The following ZBTB7C variants were observed in gnomAD, a reference collection of about 807,000 sequenced individuals.
ZBTB7C encodes the protein zinc finger and BTB domain-containing protein 7C.
Under a neutral mutation model 25.7 loss-of-function variants are expected in ZBTB7C, and 8 were observed. The ratio of observed to expected loss-of-function variants is 0.31; its 90% CI spans 0.18 to 0.56. The LOEUF (loss-of-function observed/expected upper bound fraction) is 0.56, where lower values mean the gene tolerates loss of function less well. Ranked by LOEUF, ZBTB7C falls within the 20% of genes least tolerant of loss-of-function variation. ZBTB7C has a pLI of 0.91. For missense variants in ZBTB7C, 824 were observed against 855.2 expected (o/e 0.96, Z 0.46); for synonymous variants, 394 against 369.0 (o/e 1.07, Z -0.78).
chr18:48,103,845 A>G (rs1568220653), intron 3 of ZBTB7C, among the ~76,000 whole-genome samples: 1 of 152,088 alleles, frequency 6.6e-6, no homozygotes, highest in Non-Finnish European at 1.5e-5. Context: ...CAAGGACCAC[A>G]TATTATATGA....
At chr18:48,384,029 G>A (rs1261083113) in intron 1 of ZBTB7C, among the ~76,000 whole-genome samples, 1 of 152,212 alleles carries the variant, frequency 6.6e-6, no homozygotes, top group African/African-American at 2.4e-5. Flanking sequence ...TGTGAAATCA[G>A]GAGCCTGAAC....
At chr18:48,085,980 C>T (rs1266651694) in intron 3 of ZBTB7C, among the ~76,000 whole-genome samples, 2 of 152,204 alleles carry the variant, frequency 1.3e-5, no homozygotes, top group Non-Finnish European at 2.9e-5. Flanking sequence ...GCCACCTCTC[C>T]TCTCTCCCTG....
chr18:48,057,050 CAAAAAAAAA>C (rs11380205), intron 3 of ZBTB7C, among the ~76,000 whole-genome samples: 2 of 64,320 alleles, frequency 3.1e-5, no homozygotes, highest in Non-Finnish European at 6.2e-5. Flanking sequence ...GAAAAATTGT[CAAAAAAAAA>C]AAAAAAAAAA....
chr18:48,275,968 A>C (rs1450959994), intron 2 of ZBTB7C, among the ~76,000 whole-genome samples: 1 of 152,210 alleles, frequency 6.6e-6, no homozygotes, highest in Non-Finnish European at 1.5e-5. Flanking sequence ...CATCGAAGGC[A>C]TGGGATCCTG....
In ZBTB7C at chr18:48,315,133, G is replaced by A. The variant is rs150691079; in HGVS notation, c.-79+23041C>T. ...AATGTGTGTGATTTCAGAAGCCAGG[G>A]GAGTTGAGACACTCGGAACACAGCA... On this transcript the variant is annotated intron_variant, in intron 2 of 4. Transcript: ENST00000590800. Among the ~76,000 whole-genome samples the A allele has an allele frequency of 1.8e-4, 27 of 152,270 alleles. No homozygotes were observed. In the East Asian group the frequency reaches 5.2e-3, roughly 29 times the overall value.
intron 1 of ZBTB7C, among the ~76,000 whole-genome samples, chr18:48,379,079 T>C (rs765300071): frequency 2.0e-5 from 3 of 152,242 alleles, no homozygotes; most frequent in Non-Finnish European, 4.4e-5. Context: ...AGCATCTGTA[T>C]AGCATTCAAT....
chr18:48,041,400 C>T (rs1399506291), intron 3 of ZBTB7C: 1 of 985,342 alleles, frequency 1.0e-6, no homozygotes, highest in East Asian at 1.1e-4. Context: ...TTCTCTCAGG[C>T]TTGGTGTTAC....
chr18:48,352,557 G>A (rs2145048584), intron 1 of ZBTB7C, among the ~76,000 whole-genome samples: 1 of 152,266 alleles, frequency 6.6e-6, no homozygotes, highest in Non-Finnish European at 1.5e-5. Flanking sequence ...CAGGGATGGG[G>A]CTCAGGGGAA....
At chr18:48,276,347 T>G (rs1375413704) in intron 2 of ZBTB7C, among the ~76,000 whole-genome samples, 4 of 151,498 alleles carry the variant, frequency 2.6e-5, no homozygotes, top group African/African-American at 4.9e-5. Flanking sequence ...ATGTGCACAT[T>G]GTGCAGGTTA....
At chr18:48,091,133 G>A (rs1346974286) in intron 3 of ZBTB7C, among the ~76,000 whole-genome samples, 1 of 151,340 alleles carries the variant, frequency 6.6e-6, no homozygotes, top group Non-Finnish European at 1.5e-5. Context: ...GAGTACAGTG[G>A]TGTGATCATA....
chr18:48,036,803 C>T (rs1003495186), intron 4 of ZBTB7C, among the ~76,000 whole-genome samples: 1 of 152,074 alleles, frequency 6.6e-6, no homozygotes, highest in Non-Finnish European at 1.5e-5. Context: ...TGTTAGGAAT[C>T]GCGTTGGGGA....
At chr18:48,345,648 T>C (rs1269929670) in intron 1 of ZBTB7C, among the ~76,000 whole-genome samples, 1 of 152,172 alleles carries the variant, frequency 6.6e-6, no homozygotes, top group East Asian at 1.9e-4. Context: ...CCTTGGCAGG[T>C]ATTTCAGGTC....
intron 1 of ZBTB7C, among the ~76,000 whole-genome samples, chr18:48,347,116 T>TTTTGTTTG (rs1426981993): frequency 1.5e-4 from 22 of 144,862 alleles, no homozygotes; most frequent in Non-Finnish European, 2.7e-4. Context: ...GATTCCCAGT[T>TTTTGTTTG]TTTGTTTGTT....
intron 2 of ZBTB7C, among the ~76,000 whole-genome samples, chr18:48,313,293 C>A (rs1480311643): frequency 6.6e-6 from 1 of 152,184 alleles, no homozygotes; most frequent in Non-Finnish European, 1.5e-5. Context: ...CAGTATCTAG[C>A]AAAATCCAGA....
chr18:48,176,184 G>A (rs1459194089), intron 3 of ZBTB7C, among the ~76,000 whole-genome samples: 1 of 152,108 alleles, frequency 6.6e-6, no homozygotes, highest in Non-Finnish European at 1.5e-5. Context: ...GAACCAAGAG[G>A]GCTTATGCAG....
chr18:48,394,338 G>A (rs1464015940), intron 1 of ZBTB7C, among the ~76,000 whole-genome samples: 1 of 152,174 alleles, frequency 6.6e-6, no homozygotes, highest in African/African-American at 2.4e-5. Context: ...GTTTTCTAGT[G>A]ATACTAGCTT....
In ZBTB7C at chr18:48,173,927, C is replaced by T. The variant is rs533131903; in HGVS notation, c.-17+12007G>A. On this transcript the variant is annotated intron_variant, in intron 3 of 4. Transcript: ENST00000590800. Reference sequence around the variant, plus strand: ...CCCATCCTAAAATCAACAGGGCTTGCTCCAGCTTCCAAATTGGCTCCCCAT... The same window carrying T: ...CCCATCCTAAAATCAACAGGGCTTGTTCCAGCTTCCAAATTGGCTCCCCAT... Among the ~76,000 whole-genome samples, 18 of 152,326 alleles carry T rather than the reference C, an allele frequency of 1.2e-4. No individual in the cohort carries two copies. In the South Asian group the frequency reaches 1.7e-3, roughly 14 times the overall value.
chr18:48,189,335 T>A (rs926359417), intron 2 of ZBTB7C, among the ~76,000 whole-genome samples: 1 of 152,182 alleles, frequency 6.6e-6, no homozygotes, highest in Non-Finnish European at 1.5e-5. Context: ...AGTGAATAAA[T>A]AGCATGGGTA....
chr18:48,273,100 T>C (rs566659754), intron 2 of ZBTB7C, among the ~76,000 whole-genome samples: 2 of 152,326 alleles, frequency 1.3e-5, no homozygotes, highest in African/African-American at 4.8e-5. Flanking sequence ...TGTGTGAATA[T>C]ATTAAAAATC....
Sources: gnomAD v4.1 joint callset for allele counts (sites outside exome capture counted in the v4.1 genomes callset) on GRCh38, gnomAD v4.1.1 for gene constraint, MANE v1.5 for transcripts, NCBI Gene and HGNC (gene_info 2026-07-23, HGNC 2026-07-21) for gene names.